Variants in DCLK1 observed in about 807,000 individuals in gnomAD.
DCLK1 encodes the protein doublecortin like kinase 1.
DCLK1 carries 16 observed loss-of-function variants against 86.2 expected under a neutral mutation model. That is an observed-to-expected ratio of 0.19 (90% CI 0.13 to 0.28). DCLK1 has a LOEUF of 0.28. Among genes scored for constraint, DCLK1 ranks in the 10% least tolerant of loss-of-function variants. DCLK1 has a pLI of 1.00. For synonymous variants in DCLK1, 369 were observed against 370.5 expected (o/e 1.00, Z 0.05); for missense variants, 590 against 940.2 (o/e 0.63, Z 4.87).
At chr13:35,846,838 A>G in intron 6 of DCLK1, 1 of 985,042 alleles carries the variant, frequency 1.0e-6, no homozygotes, top group Non-Finnish European at 1.2e-6. Context: ...ATATTTATGT[A>G]GATATATACA....
At chr13:36,056,408 T>C (rs1342911202) in intron 3 of DCLK1, among the ~76,000 whole-genome samples, 1 of 109,176 alleles carries the variant, frequency 9.2e-6, no homozygotes, top group East Asian at 2.7e-4. Flanking sequence ...TAGGTGGGAA[T>C]TGAACAATGA....
chr13:35,821,924 G>A lies in DCLK1; in HGVS notation c.1554+805C>T, dbSNP rs75918003. 6.6e-4 allele frequency among the ~76,000 whole-genome samples: 100 copies of A among 151,988 alleles called. 1 individual carries two copies. The East Asian group carries it at 0.017, about 26-fold the overall frequency. ...GAGTAAATGAAAAGCAAACCAAATA[G>A]TGTAAAGTTGGGGGAAGGATGTCTC... On this transcript the variant is annotated intron_variant, in intron 11 of 16. Transcript: ENST00000360631.
At chr13:35,897,799 A>G (rs905120927) in intron 4 of DCLK1, among the ~76,000 whole-genome samples, 3 of 152,194 alleles carry the variant, frequency 2.0e-5, no homozygotes, top group African/African-American at 4.8e-5. Flanking sequence ...AGGTAATCCA[A>G]TGGAAGCAAA....
intron 6 of DCLK1, among the ~76,000 whole-genome samples, chr13:35,851,327 A>G (rs1008991175): frequency 5.3e-5 from 8 of 152,044 alleles, no homozygotes; most frequent in Admixed American, 1.3e-4. Context: ...TCCCTTCCCA[A>G]TGTTCTTTCC....
rs114367514 is a variant in DCLK1 at position 35,887,963 on chromosome 13, G to A, written c.824-16623C>T. Among the ~76,000 whole-genome samples the A allele has an allele frequency of 6.2e-3, 878 of 141,750 alleles. 11 individuals are homozygous for A. The highest frequency in any genetic ancestry group is 0.021 in the African/African-American group (816 of 38,882). 93.0% of individuals were successfully genotyped at this position (141,750 alleles called of 152,430 possible). A position where few individuals can be genotyped will look rare whatever the true frequency, so the allele number is the denominator to read the frequency against. ...ACATACATATGCAATGAAAATTTAC[G>A]AATGAAAAAGTTCTCCTGGATTCCA... On this transcript the variant is annotated intron_variant, in intron 4 of 16. Transcript: ENST00000360631.
intron 15 of DCLK1, among the ~76,000 whole-genome samples, chr13:35,795,817 T>A (rs1295353645): frequency 6.7e-6 from 1 of 150,086 alleles, no homozygotes; most frequent in African/African-American, 2.5e-5. Flanking sequence ...CTCCAGCTAC[T>A]CAGGAGGCTG....
chr13:35,777,341 T>C (rs1304851598), intron 16 of DCLK1, among the ~76,000 whole-genome samples: 1 of 152,210 alleles, frequency 6.6e-6, no homozygotes, highest in Admixed American at 6.5e-5. Flanking sequence ...GCAGGGAAAC[T>C]GAGACCTAGG....
intron 3 of DCLK1, among the ~76,000 whole-genome samples, chr13:36,074,283 G>T (rs1254979271): frequency 6.6e-6 from 1 of 151,634 alleles, no homozygotes; most frequent in Non-Finnish European, 1.5e-5. Flanking sequence ...CGGGCAGATC[G>T]CGAGGTCAGG....
At chr13:35,775,792 A>G (rs1268882012) in intron 16 of DCLK1, among the ~76,000 whole-genome samples, 1 of 152,222 alleles carries the variant, frequency 6.6e-6, no homozygotes, top group African/African-American at 2.4e-5. Context: ...CAAAGAACAG[A>G]GATAAATTTA....
Position 35,908,579 on chromosome 13 carries a change from A to G in DCLK1, c.824-37239T>C, listed in dbSNP as rs373511682. ...ATTCATTTTACTTTATTTATTTGAA[A>G]CAGGGTCTCAGTCTATCACCCAGCT... On this transcript the variant is annotated intron_variant, in intron 4 of 16. Transcript: ENST00000360631. 3.3e-5 allele frequency among the ~76,000 whole-genome samples: 5 copies of G among 152,314 alleles called. No individual in the cohort carries two copies. In the East Asian group the frequency reaches 9.6e-4, roughly 29 times the overall value.
intron 4 of DCLK1, among the ~76,000 whole-genome samples, chr13:35,911,676 C>T (rs912827733): frequency 2.6e-5 from 4 of 152,166 alleles, no homozygotes; most frequent in African/African-American, 7.2e-5. Context: ...TTTTGAAGTA[C>T]AGCTGCTACT....
chr13:35,938,400 C>T lies in DCLK1; in HGVS notation c.823+8958G>A, dbSNP rs185023846. 1.8e-4 allele frequency among the ~76,000 whole-genome samples: 28 copies of T among 152,196 alleles called. No homozygotes were observed. The East Asian group carries it at 4.8e-3, about 26-fold the overall frequency. ...ATCCCAGCACTTTGGGAGGCCAAAG[C>T]GGGTGGATCACGAGGTCAGGAGATG... On this transcript the variant is annotated intron_variant, in intron 4 of 16. Coordinates refer to ENST00000360631, the MANE Select transcript of DCLK1 (RefSeq NM_001330071.2).
chr13:36,030,597 A>G (rs1282897542), intron 3 of DCLK1, among the ~76,000 whole-genome samples: 2 of 151,538 alleles, frequency 1.3e-5, no homozygotes, highest in African/African-American at 4.9e-5. Context: ...GTGAGCCACC[A>G]TGCCTGACCC....
chr13:36,108,591 G>A (rs147845226), intron 3 of DCLK1, among the ~76,000 whole-genome samples: 23 of 152,270 alleles, frequency 1.5e-4, no homozygotes, highest in South Asian at 4.1e-4. Flanking sequence ...CAAAATCCCA[G>A]CGTCAACAGT....
chr13:35,809,002 AG>A lies in DCLK1; in HGVS notation c.1766+15del. On this transcript the variant is annotated intron_variant, in intron 13 of 16. Transcript: ENST00000360631. ...AAATGCTTTGTCGGCGCTGAATAAA[AG>A]ATTGTTGCCCATACCCACGGAATGG... is the stretch of plus-strand genomic sequence containing the variant. 6.2e-7 allele frequency: 1 copy of A among 1,608,972 alleles called. No homozygotes were observed. Among genetic ancestry groups the A allele is most frequent in the Non-Finnish European group, 8.5e-7 (1 of 1,176,376 alleles).
chr13:36,091,246 C>T (rs978196782), intron 3 of DCLK1, among the ~76,000 whole-genome samples: 2 of 152,098 alleles, frequency 1.3e-5, no homozygotes, highest in Non-Finnish European at 2.9e-5. Flanking sequence ...GTGTTTTAGT[C>T]ATGCAGGGCT....
chr13:36,046,333 C>T (rs1882914006), intron 3 of DCLK1, among the ~76,000 whole-genome samples: 2 of 152,308 alleles, frequency 1.3e-5, no homozygotes, highest in South Asian at 2.1e-4. Context: ...CATAAACTAA[C>T]ACACACAGCT....
rs1028574807 is a variant in DCLK1 at position 35,951,025 on chromosome 13, T to G, written c.724-3568A>C. ...GCCTTTCTGTTTAATCCATCCTGTT[T>G]AATTCTGTCAGTCTACTCTTCCTTC... is the stretch of plus-strand genomic sequence containing the variant. On this transcript the variant is annotated intron_variant, in intron 3 of 16. Transcript: ENST00000360631. Among the ~76,000 whole-genome samples the G allele has an allele frequency of 3.3e-5, 5 of 152,002 alleles. No homozygotes were observed. The East Asian group carries it at 9.7e-4, about 30-fold the overall frequency.
chr13:35,814,257 G>A (rs1211493864), intron 11 of DCLK1, among the ~76,000 whole-genome samples: 1 of 152,148 alleles, frequency 6.6e-6, no homozygotes, highest in South Asian at 2.1e-4. Context: ...TTTAAAGCCT[G>A]CACGCGCGCA....
Sources: allele counts gnomAD v4.1 joint callset (sites outside exome capture counted in the v4.1 genomes callset), GRCh38; gene constraint gnomAD v4.1.1; transcripts MANE v1.5; gene names NCBI Gene and HGNC (gene_info 2026-07-23, HGNC 2026-07-21).